The following CELF2 variants were observed in gnomAD, a reference collection of about 807,000 sequenced individuals.
CELF2 encodes CUG triplet repeat RNA-binding protein 2.
A neutral mutation model predicts 62.6 loss-of-function variants in CELF2; 8 were observed. The ratio of observed to expected loss-of-function variants is 0.13; its 90% CI spans 0.07 to 0.23. CELF2 has a LOEUF of 0.23. Ranked by LOEUF, CELF2 falls within the 10% of genes least tolerant of loss-of-function variation. CELF2 has a pLI of 1.00. For missense variants in CELF2, 333 were observed against 671.0 expected (o/e 0.50, Z 5.56); for synonymous variants, 258 against 250.0 (o/e 1.03, Z -0.30).
At chr10:10,517,606 C>A in the CELF2 span, among the ~76,000 whole-genome samples, 2 of 152,188 alleles carry the variant, frequency 1.3e-5, no homozygotes, top group Non-Finnish European at 2.9e-5. Flanking sequence ...CTGGAGACAT[C>A]TGCCCAGGCT....
the CELF2 span, among the ~76,000 whole-genome samples, chr10:10,735,946 A>T: frequency 6.6e-6 from 1 of 152,202 alleles, no homozygotes; most frequent in Non-Finnish European, 1.5e-5. Flanking sequence ...CTCAATATAC[A>T]GCCAGTGAAC....
chr10:10,476,164 G>T, the CELF2 span, among the ~76,000 whole-genome samples: 1 of 152,130 alleles, frequency 6.6e-6, no homozygotes, highest in East Asian at 1.9e-4. Flanking sequence ...TAATTTCAAC[G>T]TGTTTCAGTG....
chr10:10,907,727 C>G (rs1380312691), intron 1 of CELF2, among the ~76,000 whole-genome samples: 7 of 151,898 alleles, frequency 4.6e-5, no homozygotes, highest in Non-Finnish European at 7.4e-5. Flanking sequence ...TAAATTTCAT[C>G]TGGGGTTGGT....
At chr10:10,863,277 A>G (rs1297975856) in intron 1 of CELF2, among the ~76,000 whole-genome samples, 1 of 152,228 alleles carries the variant, frequency 6.6e-6, no homozygotes, top group Non-Finnish European at 1.5e-5. Context: ...CCTGTGAGGA[A>G]GGTATCATTA....
At chr10:11,226,363 G>T (rs1474805159) in intron 3 of CELF2, among the ~76,000 whole-genome samples, 1 of 152,234 alleles carries the variant, frequency 6.6e-6, no homozygotes, top group Non-Finnish European at 1.5e-5. Context: ...CTGTGTGTTG[G>T]TGCAGGCTTG....
chr10:10,881,876 A>C (rs1210040053), intron 1 of CELF2, among the ~76,000 whole-genome samples: 1 of 152,184 alleles, frequency 6.6e-6, no homozygotes, highest in African/African-American at 2.4e-5. Flanking sequence ...ATATTACTCC[A>C]TCTTCAATAT....
chr10:11,166,871 C>T (rs1257990139), intron 2 of CELF2, among the ~76,000 whole-genome samples: 1 of 152,254 alleles, frequency 6.6e-6, no homozygotes, highest in African/African-American at 2.4e-5. Flanking sequence ...GGCTGTTCCT[C>T]TTGTTCCCTG....
Position 11,018,070 on chromosome 10 carries a change from C to T in CELF2, c.-20C>T, listed in dbSNP as rs199602625. On this transcript the variant is annotated 5_prime_UTR_variant, in exon 1 of 13. Transcript: ENST00000633077. The stretch of plus-strand genomic sequence containing the variant: ...GCGCAGAGCCGCCCCCCGCCGCTGC[C>T]GCCGCGTGCGCCCGCGAACATGACT... The T allele has an allele frequency of 3.5e-6, 5 of 1,440,006 alleles. No individual in the cohort carries two copies. The highest frequency in any genetic ancestry group is 4.3e-5 in the Admixed American group (2 of 46,240). 89.2% of individuals were successfully genotyped at this position (1,440,006 alleles called of 1,614,324 possible).
At chr10:10,674,875 T>C in the CELF2 span, among the ~76,000 whole-genome samples, 1 of 152,168 alleles carries the variant, frequency 6.6e-6, no homozygotes, top group African/African-American at 2.4e-5. Context: ...ACAATTCTAA[T>C]TCCTTTCTCC....
At chr10:10,593,205 C>A in the CELF2 span, among the ~76,000 whole-genome samples, 29 of 152,300 alleles carry the variant, frequency 1.9e-4, no homozygotes, top group African/African-American at 7.0e-4. Context: ...TATAACAAAT[C>A]ACCCCAAAAC....
At chr10:10,628,482 G>C in the CELF2 span, among the ~76,000 whole-genome samples, 2 of 152,054 alleles carry the variant, frequency 1.3e-5, no homozygotes, top group South Asian at 4.2e-4. Flanking sequence ...ATCTCCACTT[G>C]GGGGATGAGT....
chr10:10,670,923 CTT>C, the CELF2 span, among the ~76,000 whole-genome samples: 38,814 of 151,888 alleles, frequency 0.26, 5,238 homozygotes, highest in South Asian at 0.43. Context: ...AACCTCAACA[CTT>C]TCAGAGGCTG....
chr10:11,017,381 G>A (rs1283799493), upstream of CELF2, among the ~76,000 whole-genome samples: 1 of 152,240 alleles, frequency 6.6e-6, no homozygotes, highest in Non-Finnish European at 1.5e-5. This position sits in a 1 kb window ranked among gnomAD's most constrained non-coding sequence, Gnocchi z 5.5. Flanking sequence ...CCATCGTGCA[G>A]AGACAGGTTT....
the CELF2 span, among the ~76,000 whole-genome samples, chr10:10,485,338 G>A: frequency 6.6e-6 from 1 of 152,168 alleles, no homozygotes; most frequent in African/African-American, 2.4e-5. Context: ...CTAATAAACA[G>A]TTCTACTCAT....
At chr10:11,278,214 T>C (rs1413684566) in intron 8 of CELF2, among the ~76,000 whole-genome samples, 1 of 152,226 alleles carries the variant, frequency 6.6e-6, no homozygotes, top group Non-Finnish European at 1.5e-5. Context: ...AATCTTACCA[T>C]TTTCCCTTCA....
At chr10:10,510,634 T>C in the CELF2 span, among the ~76,000 whole-genome samples, 1 of 152,078 alleles carries the variant, frequency 6.6e-6, no homozygotes, top group East Asian at 1.9e-4. Flanking sequence ...AAACAAAATG[T>C]GTAATGCCCC....
the CELF2 span, among the ~76,000 whole-genome samples, chr10:10,788,431 AC>A: frequency 1.4e-5 from 2 of 138,076 alleles, no homozygotes; most frequent in South Asian, 5.0e-4. Flanking sequence ...TAATTGTATT[AC>A]TTTTGTATAT....
At chr10:10,660,263 T>C in the CELF2 span, among the ~76,000 whole-genome samples, 3 of 152,366 alleles carry the variant, frequency 2.0e-5, no homozygotes, top group Admixed American at 6.5e-5. Context: ...TATGATGTCA[T>C]AGCAACATTG....
chr10:10,789,413 C>A, the CELF2 span, among the ~76,000 whole-genome samples: 1 of 152,222 alleles, frequency 6.6e-6, no homozygotes, highest in East Asian at 1.9e-4. Flanking sequence ...TACTAAGTTG[C>A]CTCTGATAGC....
Sources: allele counts gnomAD v4.1 joint callset (sites outside exome capture counted in the v4.1 genomes callset), GRCh38; gene constraint gnomAD v4.1.1; non-coding constraint Gnocchi (gnomAD v3.1); transcripts MANE v1.5; gene names NCBI Gene and HGNC (gene_info 2026-07-23, HGNC 2026-07-21).